The following BCR variants were observed in gnomAD, a reference collection of about 807,000 sequenced individuals.
BCR encodes BCR activator of RhoGEF and GTPase, also known as breakpoint cluster region protein.
BCR carries 58 observed loss-of-function variants against 138.6 expected under a neutral mutation model. The ratio of observed to expected loss-of-function variants is 0.42; its 90% confidence interval spans 0.34 to 0.52. BCR has a LOEUF of 0.52. BCR is among the 20% of genes least tolerant of loss of function. The probability of loss-of-function intolerance (pLI) is 0.06; values close to 1 mark genes in which losing one functional copy is unlikely to be tolerated. For synonymous variants in BCR, 786 were observed against 730.1 expected (o/e 1.08, Z -1.23); for missense variants, 1,599 against 1,727.2 (o/e 0.93, Z 1.32).
intron 16 of BCR, among the ~76,000 whole-genome samples, chr22:23,305,635 C>T (rs933763436): frequency 1.3e-5 from 2 of 152,168 alleles, no homozygotes; most frequent in African/African-American, 2.4e-5. Flanking sequence ...TGGATGTGCA[C>T]GATAGTTTTC....
chr22:23,295,568 C>T (rs970110329), intron 16 of BCR, among the ~76,000 whole-genome samples: 5 of 152,082 alleles, frequency 3.3e-5, no homozygotes, highest in African/African-American at 1.2e-4. Flanking sequence ...CAGAGGCTGC[C>T]TGCTTGGCAT....
At chr22:23,182,361 A>C in intron 1 of BCR, 122 bp downstream of exon 1, 1 of 1,192,410 alleles carries the variant, frequency 8.4e-7, no homozygotes, top group East Asian at 2.6e-5. Context: ...TATCAGGTGC[A>C]CTTGTGGTTC....
chr22:23,266,493 G>A (rs935659316), intron 4 of BCR, among the ~76,000 whole-genome samples: 2 of 152,034 alleles, frequency 1.3e-5, no homozygotes, highest in Admixed American at 6.6e-5. Context: ...AGGTTCAAGC[G>A]ATTCTCCTGT....
At position 23,292,544 on chromosome 22, in the gene BCR, T is replaced by C. The variant is rs1048405745; in HGVS notation, c.2786T>C (p.Leu929Pro). The stretch of plus-strand genomic sequence containing the variant: ...CCATGTCCACTTCTCCCCACAGATC[T>C]GTACTGCACCCTGGAGGTGGATTCC... Reference protein sequence around the residue: ...SATGFKQSSNLYCTLEVDSFG... With the variant: ...SATGFKQSSNPYCTLEVDSFG... Residue 929 changes from leucine (L) to proline (P), a missense_variant, in exon 15 of 23, where the codon CTG (leucine) becomes CCG (proline). By Grantham distance (98) the Leu-to-Pro change is moderately conservative (BLOSUM62 -3). Around this residue, in one of 4 missense-constraint regions of BCR, gnomAD observed 590 missense variants for 762.4 expected, o/e 0.77. Transcript: ENST00000305877. 3.7e-6 allele frequency: 6 copies of C among 1,612,494 alleles called. No individual in the cohort carries two copies. The highest frequency in any genetic ancestry group is 4.2e-6 in the Non-Finnish European group (5 of 1,178,816).
At chr22:23,295,222 A>T in intron 16 of BCR, 67 bp downstream of exon 16, 1 of 1,561,924 alleles carries the variant, frequency 6.4e-7, no homozygotes, top group East Asian at 2.3e-5. Flanking sequence ...GCCCCTGGGG[A>T]CACTGAGATG....
intron 14 of BCR, 132 bp downstream of exon 14, chr22:23,290,545 G>A (rs377549875): frequency 4.8e-5 from 44 of 922,380 alleles, no homozygotes; most frequent in South Asian, 1.8e-4. Flanking sequence ...GACCCTGGCC[G>A]CTGTGGAGTG....
In BCR at chr22:23,315,741, A is replaced by T. The variant is rs1602140183; in HGVS notation, c.*219A>T. 2 of 641,054 alleles carry T rather than the reference A, an allele frequency of 3.1e-6. No homozygotes were observed. The highest frequency in any genetic ancestry group is 4.2e-5 in the Admixed American group (2 of 47,682). The allele number at this position is 641,054 out of a possible 1,614,324, so 39.7% of individuals were successfully genotyped here. A position where few individuals can be genotyped will look rare whatever the true frequency, so the allele number is the denominator to read the frequency against. The stretch of plus-strand genomic sequence containing the variant: ...GGCTGGCCTCAGACTGTGGTTTTTT[A>T]TGTGGCCACCTGAGGGCGCCCCAAG... On this transcript the variant is annotated 3_prime_UTR_variant, in exon 23 of 23. Transcript: ENST00000305877.
rs2073981194 is a variant in BCR at position 23,309,180 on chromosome 22, C to A, written c.3013-244C>A. 8.6e-5 allele frequency among the ~76,000 whole-genome samples: 13 copies of A among 151,932 alleles called. No homozygotes were observed. The South Asian group carries it at 2.7e-3, about 32-fold the overall frequency. On this transcript the variant is annotated intron_variant, in intron 16 of 22. Coordinates refer to ENST00000305877, the MANE Select transcript of BCR (RefSeq NM_004327.4). ...CACATCAGCTCCCAACTGGGCGGGG[C>A]AGAGGGAGGAGGGGGTGGGGACCCC... is the stretch of plus-strand genomic sequence containing the variant.
Position 23,181,688 on chromosome 22 carries a change from A to G in BCR, c.728A>G (p.Asp243Gly). ...TCCTCGGAGAGCAGCTGCGGCGTCG[A>G]CGGCGACTACGAGGACGCCGAGTTG... ...GRSSESSCGVDGDYEDAELNP... is the reference protein window; with the variant it reads ...GRSSESSCGVGGDYEDAELNP... Residue 243 changes from aspartate to glycine, a missense_variant, in exon 1 of 23, where the codon GAC (aspartate) becomes GGC (glycine). Coordinates refer to ENST00000305877, the MANE Select transcript of BCR (RefSeq NM_004327.4). 1 of 1,605,182 alleles carries G rather than the reference A, an allele frequency of 6.2e-7. No homozygotes were observed.
At chr22:23,256,703 G>GAGGGACTAGA (rs2073299163) in intron 2 of BCR, among the ~76,000 whole-genome samples, 1 of 152,152 alleles carries the variant, frequency 6.6e-6, no homozygotes, top group African/African-American at 2.4e-5. Flanking sequence ...GGACTAGGAG[G>GAGGGACTAGA]AGGGACTAGA....
chr22:23,228,083 CT>C (rs1788799398), intron 1 of BCR, among the ~76,000 whole-genome samples: 1 of 152,142 alleles, frequency 6.6e-6, no homozygotes, highest in Non-Finnish European at 1.5e-5. Context: ...TCTTTCATTT[CT>C]GATTTTGGTC....
intron 1 of BCR, among the ~76,000 whole-genome samples, chr22:23,221,858 G>A (rs906315417): frequency 1.3e-5 from 2 of 152,154 alleles, no homozygotes; most frequent in East Asian, 1.9e-4. Context: ...TTGCGGGGCC[G>A]AGGCAGGCAG....
chr22:23,238,831 G>A (rs987225509), intron 1 of BCR, among the ~76,000 whole-genome samples: 24 of 152,102 alleles, frequency 1.6e-4, no homozygotes, highest in African/African-American at 5.8e-4. Context: ...GTGGGAACAC[G>A]AGTGGTTTTT....
At chr22:23,193,851 A>G (rs996776570) in intron 1 of BCR, among the ~76,000 whole-genome samples, 1 of 152,224 alleles carries the variant, frequency 6.6e-6, no homozygotes, top group African/African-American at 2.4e-5. Context: ...TGGAGGGCTC[A>G]GGTCACCCGC....
At chr22:23,215,265 T>G (rs977092690) in intron 1 of BCR, among the ~76,000 whole-genome samples, 1 of 152,256 alleles carries the variant, frequency 6.6e-6, no homozygotes, top group African/African-American at 2.4e-5. Flanking sequence ...TTCTGCCTTT[T>G]GTAAAGCATG....
At chr22:23,204,528 T>G (rs534712922) in intron 1 of BCR, among the ~76,000 whole-genome samples, 4 of 152,282 alleles carry the variant, frequency 2.6e-5, no homozygotes, top group African/African-American at 9.6e-5. Context: ...AAATCCCTCT[T>G]GGTGGATGTC....
At chr22:23,241,393 C>T (rs978314570) in intron 1 of BCR, among the ~76,000 whole-genome samples, 5 of 152,190 alleles carry the variant, frequency 3.3e-5, no homozygotes, top group African/African-American at 1.2e-4. Flanking sequence ...AGGGAGGACC[C>T]ACAGGTGTGC....
intron 16 of BCR, among the ~76,000 whole-genome samples, chr22:23,305,335 C>T (rs1257157838): frequency 6.6e-6 from 1 of 152,150 alleles, no homozygotes; most frequent in African/African-American, 2.4e-5. Flanking sequence ...TGACGATGGG[C>T]GTGAAGGAAG....
At chr22:23,293,020 T>A (rs1568977633) in intron 15 of BCR, among the ~76,000 whole-genome samples, 1 of 152,070 alleles carries the variant, frequency 6.6e-6, no homozygotes, top group Non-Finnish European at 1.5e-5. Context: ...GGGGCTCTGC[T>A]GGTGGGGCTG....
Sources: allele counts gnomAD v4.1 joint callset (sites outside exome capture counted in the v4.1 genomes callset), GRCh38; gene constraint gnomAD v4.1.1; regional missense constraint gnomAD v4.1.1; transcripts MANE v1.5; gene names NCBI Gene and HGNC (gene_info 2026-07-23, HGNC 2026-07-21).